The following DNAJC3 variants were observed in gnomAD, a reference collection of about 807,000 sequenced individuals.
DNAJC3 encodes DnaJ heat shock protein family (Hsp40) member C3.
A neutral mutation model predicts 68.6 loss-of-function variants in DNAJC3; 38 were observed. The observed-to-expected ratio is 0.55, with a 90% confidence interval of 0.43 to 0.73. The LOEUF is 0.73. Among genes scored for constraint, DNAJC3 ranks in the 30% least tolerant of loss-of-function variants. The probability of loss-of-function intolerance (pLI) is 0.00; values close to 1 mark genes in which losing one functional copy is unlikely to be tolerated. For missense variants in DNAJC3, 526 were observed against 591.9 expected (o/e 0.89, Z 1.16); for synonymous variants, 203 against 204.0 (o/e 1.00, Z 0.04).
At position 95,764,645 on chromosome 13, in the gene DNAJC3, CATATATATAT is replaced by C. The variant is rs755441205; in HGVS notation, c.1075+722_1075+731del. On this transcript the variant is annotated intron_variant, in intron 9 of 11. Coordinates refer to ENST00000602402, the MANE Select transcript of DNAJC3 (RefSeq NM_006260.5). ...TATACAGTTTTTGAAAAATAGAATC[CATATATATAT>C]ATATATATATATATATATATATATA... Among the ~76,000 whole-genome samples the C allele has an allele frequency of 7.7e-3, 437 of 56,514 alleles. 9 individuals are homozygous for C. Among genetic ancestry groups the C allele is most frequent in the African/African-American group, 0.021 (323 of 15,394 alleles). 37.1% of individuals were successfully genotyped at this position (56,514 alleles called of 152,430 possible).
At position 95,791,356 on chromosome 13, in the gene DNAJC3, T is replaced by C; in HGVS notation, c.*326T>C. On this transcript the variant is annotated 3_prime_UTR_variant, in exon 12 of 12. Transcript: ENST00000602402. The stretch of plus-strand genomic sequence containing the variant: ...TTTTTCTACACTGGAGCTGAGATTC[T>C]TCTCTTCACAGCCTTGCAGAGTAAG... 1 of 322,416 alleles carries C rather than the reference T, an allele frequency of 3.1e-6. No homozygotes were observed. Among genetic ancestry groups the C allele is most frequent in the Non-Finnish European group, 5.8e-6 (1 of 172,172 alleles). 20.0% of individuals were successfully genotyped at this position (322,416 alleles called of 1,614,324 possible).
chr13:95,710,655 G>A (rs1880926056), intron 2 of DNAJC3, among the ~76,000 whole-genome samples: 1 of 151,366 alleles, frequency 6.6e-6, no homozygotes, highest in Admixed American at 6.6e-5. Context: ...AACAACCGAG[G>A]GTGGTGTTTT....
intron 6 of DNAJC3, 39 bp downstream of exon 6, chr13:95,760,260 T>C: frequency 6.9e-7 from 1 of 1,445,210 alleles, no homozygotes; most frequent in South Asian, 1.7e-5. Context: ...CTTTTTTAAT[T>C]GTTGGCAGTA....
intron 4 of DNAJC3, among the ~76,000 whole-genome samples, chr13:95,757,288 A>G (rs1882691451): frequency 6.6e-6 from 1 of 152,002 alleles, no homozygotes; most frequent in South Asian, 2.1e-4. Flanking sequence ...GGCAAAATAA[A>G]TAAAACTCAA....
intron 2 of DNAJC3, among the ~76,000 whole-genome samples, chr13:95,722,229 A>G (rs1461833694): frequency 6.6e-6 from 1 of 152,116 alleles, no homozygotes; most frequent in Non-Finnish European, 1.5e-5. Context: ...ACAAATGTTA[A>G]CTTCTCTAGC....
intron 4 of DNAJC3, among the ~76,000 whole-genome samples, chr13:95,729,096 C>T (rs1241512539): frequency 6.6e-6 from 1 of 152,070 alleles, no homozygotes; most frequent in African/African-American, 2.4e-5. Context: ...TCACTAATAA[C>T]CTCCAGTTCC....
In DNAJC3 at chr13:95,755,194, C is replaced by T. The variant is rs1486741667; in HGVS notation, c.394-2450C>T. Among the ~76,000 whole-genome samples the T allele has an allele frequency of 3.3e-5, 5 of 152,026 alleles. No homozygotes were observed. In the South Asian group the frequency reaches 1.0e-3, roughly 32 times the overall value. On this transcript the variant is annotated intron_variant, in intron 4 of 11. Coordinates refer to ENST00000602402, the MANE Select transcript of DNAJC3 (RefSeq NM_006260.5). ...GGGCACAGTGGCTCATATGTGTAAT[C>T]CCGTGCTTTGGAAGGCTGAGACAGG...
At chr13:95,764,465 C>G (rs1706801796) in intron 9 of DNAJC3, among the ~76,000 whole-genome samples, 1 of 148,110 alleles carries the variant, frequency 6.8e-6, no homozygotes, top group Admixed American at 6.8e-5. Context: ...TAAAATGATC[C>G]TCTGTGACCC....
chr13:95,718,370 A>G (rs1395556581), intron 2 of DNAJC3, among the ~76,000 whole-genome samples: 1 of 152,196 alleles, frequency 6.6e-6, no homozygotes, highest in African/African-American at 2.4e-5. Context: ...AGAACCAGGG[A>G]AGGCTATTTT....
chr13:95,713,670 T>A (rs1299231944), intron 2 of DNAJC3, among the ~76,000 whole-genome samples: 1 of 152,262 alleles, frequency 6.6e-6, no homozygotes, highest in Non-Finnish European at 1.5e-5. Context: ...GACTTCTTCA[T>A]GAGTTGCCTT....
At chr13:95,740,925 C>T (rs1047221219) in intron 4 of DNAJC3, among the ~76,000 whole-genome samples, 3 of 152,128 alleles carry the variant, frequency 2.0e-5, no homozygotes, top group Non-Finnish European at 2.9e-5. Flanking sequence ...TGATATGTAT[C>T]TCTTTTATAC....
At chr13:95,738,582 C>G (rs1291290880) in intron 4 of DNAJC3, among the ~76,000 whole-genome samples, 5 of 152,140 alleles carry the variant, frequency 3.3e-5, no homozygotes, top group African/African-American at 1.2e-4. Context: ...ATGTCATGGC[C>G]TTCTTTGTCT....
At chr13:95,770,915 G>T (rs1883139467) in intron 9 of DNAJC3, among the ~76,000 whole-genome samples, 1 of 152,066 alleles carries the variant, frequency 6.6e-6, no homozygotes, top group Admixed American at 6.5e-5. Context: ...TTTATATTAT[G>T]ACAGTCTCAC....
At chr13:95,739,519 A>G (rs955975352) in intron 4 of DNAJC3, among the ~76,000 whole-genome samples, 1 of 150,630 alleles carries the variant, frequency 6.6e-6, no homozygotes, top group African/African-American at 2.4e-5. Flanking sequence ...GGCTTTGCTC[A>G]TTTCTTTTTA....
intron 9 of DNAJC3, among the ~76,000 whole-genome samples, chr13:95,766,429 G>C (rs1882995049): frequency 6.6e-6 from 1 of 152,278 alleles, no homozygotes; most frequent in South Asian, 2.1e-4. Flanking sequence ...TGACATTGAA[G>C]CAGTACTAAA....
At chr13:95,728,130 A>G (rs1388182034) in intron 4 of DNAJC3, among the ~76,000 whole-genome samples, 2 of 152,050 alleles carry the variant, frequency 1.3e-5, no homozygotes, top group Non-Finnish European at 2.9e-5. Context: ...GGTTGTTTCC[A>G]TTTCTTGGCT....
At chr13:95,781,383 T>TGGCTTCCAGATCTGCTAGGGCC (rs1430569124) in intron 9 of DNAJC3, among the ~76,000 whole-genome samples, 1 of 152,154 alleles carries the variant, frequency 6.6e-6, no homozygotes, top group Non-Finnish European at 1.5e-5. Flanking sequence ...CCAAAGATAA[T>TGGCTTCCAGATCTGCTAGGGCC]GGCTTCCAGA....
intron 1 of DNAJC3, chr13:95,692,457 T>C (rs1321327161): frequency 6.6e-6 from 1 of 152,122 alleles, no homozygotes; most frequent in Non-Finnish European, 1.5e-5. Context: ...GGTGCTCCAG[T>C]GTTGAGTGTG....
At chr13:95,779,893 T>A (rs1356118138) in intron 9 of DNAJC3, among the ~76,000 whole-genome samples, 2 of 152,224 alleles carry the variant, frequency 1.3e-5, no homozygotes, top group African/African-American at 4.8e-5. Context: ...TCCTGATTTT[T>A]AAAATATCTT....
Sources: gnomAD v4.1 joint callset for allele counts (sites outside exome capture counted in the v4.1 genomes callset) on GRCh38, gnomAD v4.1.1 for gene constraint, MANE v1.5 for transcripts, NCBI Gene and HGNC (gene_info 2026-07-23, HGNC 2026-07-21) for gene names.